The following CPT1A variants were observed in gnomAD, a reference collection of about 807,000 sequenced individuals.
CPT1A encodes carnitine O-palmitoyltransferase 1, liver isoform.
Under a neutral mutation model 100.8 loss-of-function variants are expected in CPT1A, and 64 were observed. The observed-to-expected ratio is 0.63, with a 90% CI of 0.52 to 0.78. CPT1A has a LOEUF of 0.78. CPT1A is among the 30% of genes least tolerant of loss of function. The pLI is 0.00. For missense variants in CPT1A, 802 were observed against 1,034.1 expected (o/e 0.78, Z 3.08); for synonymous variants, 363 against 396.0 (o/e 0.92, Z 0.99).
intron 14 of CPT1A, among the ~76,000 whole-genome samples, chr11:68,770,494 T>A (rs539923164): frequency 1.3e-5 from 2 of 152,198 alleles, no homozygotes; most frequent in Admixed American, 6.6e-5. Flanking sequence ...CACTTTTACT[T>A]TGAAGCAGTA....
At chr11:68,804,864 A>C (rs3019581) in intron 4 of CPT1A, among the ~76,000 whole-genome samples, 1 of 152,250 alleles carries the variant, frequency 6.6e-6, no homozygotes, top group Admixed American at 6.5e-5. Context: ...AAGTCTCCCA[A>C]AGGACACATC....
intron 3 of CPT1A, among the ~76,000 whole-genome samples, chr11:68,810,923 T>C (rs1856185530): frequency 6.6e-6 from 1 of 152,064 alleles, no homozygotes; most frequent in Non-Finnish European, 1.5e-5. Flanking sequence ...AGGCGGAGGT[T>C]GCAGTGAGCC....
intron 4 of CPT1A, among the ~76,000 whole-genome samples, chr11:68,805,180 T>G (rs1856006378): frequency 6.6e-6 from 1 of 152,198 alleles, no homozygotes; most frequent in African/African-American, 2.4e-5. Context: ...CTGGGTGTGG[T>G]GGCTCACGCC....
In CPT1A at chr11:68,841,160, G is replaced by T. The variant is rs899701673; in HGVS notation, c.-14+615C>A. 6.6e-6 allele frequency among the ~76,000 whole-genome samples: 1 copy of T among 152,210 alleles called. No individual in the cohort carries two copies. The highest frequency in any genetic ancestry group is 6.5e-5 in the Admixed American group (1 of 15,288). On this transcript the variant is annotated intron_variant, in intron 1 of 18. Transcript: ENST00000265641. This position sits in a 1 kb window ranked among gnomAD's most constrained non-coding sequence, Gnocchi z 6.3. ...GGTCAGCGGCGCCCTGCCGAATCCCGAGGGCCGAGCACCCCTCCCTCAGCC... is the reference window on the plus strand; with the variant it reads ...GGTCAGCGGCGCCCTGCCGAATCCCTAGGGCCGAGCACCCCTCCCTCAGCC...
At chr11:68,797,231 G>A (rs979869308) in intron 6 of CPT1A, among the ~76,000 whole-genome samples, 4 of 152,142 alleles carry the variant, frequency 2.6e-5, no homozygotes, top group Non-Finnish European at 4.4e-5. Context: ...CTTGAGACCA[G>A]GAGTTCGAGA....
At chr11:68,760,458 T>C (rs978341995) in intron 16 of CPT1A, 120 bp from the exon 17 acceptor site, 12 of 855,360 alleles carry the variant, frequency 1.4e-5, no homozygotes, top group East Asian at 2.7e-5. Flanking sequence ...ACCACAAGTC[T>C]ATGTCTCCAA....
intron 10 of CPT1A, among the ~76,000 whole-genome samples, chr11:68,782,626 C>T (rs966238013): frequency 1.3e-5 from 2 of 152,200 alleles, no homozygotes; most frequent in African/African-American, 2.4e-5. Flanking sequence ...GGAAGACCCA[C>T]CAGCTGGGCT....
chr11:68,770,353 G>A (rs993260059), intron 14 of CPT1A, among the ~76,000 whole-genome samples: 1 of 152,200 alleles, frequency 6.6e-6, no homozygotes, highest in East Asian at 1.9e-4. Flanking sequence ...CTCACTGGGT[G>A]TGCCTCTTAA....
At position 68,815,882 on chromosome 11, in the gene CPT1A, A is replaced by C. The variant is rs371779360; in HGVS notation, c.-13-395T>G. Among the ~76,000 whole-genome samples the C allele has an allele frequency of 6.2e-3, 837 of 134,834 alleles. 12 individuals carry two copies. The highest frequency in any genetic ancestry group is 0.023 in the African/African-American group (783 of 34,284). 88.5% of individuals were successfully genotyped at this position (134,834 alleles called of 152,430 possible). ...CGTGGTACCCCAACCCTGGCCCTGG[A>C]CGTCCCCCGGAACCATGCCTCCAAG... On this transcript the variant is annotated intron_variant, in intron 1 of 18. Coordinates refer to ENST00000265641, the MANE Select transcript of CPT1A (RefSeq NM_001876.4).
At chr11:68,775,236 G>C in intron 13 of CPT1A, 80 bp downstream of exon 13, 1 of 1,200,372 alleles carries the variant, frequency 8.3e-7, no homozygotes, top group Non-Finnish European at 1.2e-6. Flanking sequence ...CAGGAACTAC[G>C]GTTGGAAAAT....
At chr11:68,829,417 C>T (rs1044517192) in intron 1 of CPT1A, among the ~76,000 whole-genome samples, 2 of 152,106 alleles carry the variant, frequency 1.3e-5, no homozygotes, top group African/African-American at 2.4e-5. Flanking sequence ...GGTGGTGTCC[C>T]GGGGGACAAA....
intron 9 of CPT1A, among the ~76,000 whole-genome samples, chr11:68,792,191 G>T (rs895457261): frequency 2.0e-5 from 3 of 152,130 alleles, no homozygotes; most frequent in Non-Finnish European, 2.9e-5. Context: ...TAAAAAATTA[G>T]CCGGGCGTGG....
intron 16 of CPT1A, 129 bp from the exon 17 acceptor site, chr11:68,760,467 A>G (rs1946783753): frequency 1.2e-6 from 1 of 828,284 alleles, no homozygotes; most frequent in African/African-American, 1.7e-5. Context: ...CTATGTCTCC[A>G]AAGGCCTCAC....
intron 14 of CPT1A, among the ~76,000 whole-genome samples, chr11:68,763,458 ACTGCGT>A (rs1854689258): frequency 6.6e-6 from 1 of 152,144 alleles, no homozygotes; most frequent in Non-Finnish European, 1.5e-5. Context: ...GAGCAATTCC[ACTGCGT>A]CTGGAAGATG....
chr11:68,830,907 A>C (rs907693090), intron 1 of CPT1A, among the ~76,000 whole-genome samples: 1 of 152,048 alleles, frequency 6.6e-6, no homozygotes, highest in Non-Finnish European at 1.5e-5. Flanking sequence ...TTCCAAATAC[A>C]CTTCTCAAGG....
At chr11:68,761,853 C>A (rs143062012) in intron 15 of CPT1A, among the ~76,000 whole-genome samples, 166 bp from the exon 16 acceptor site, 2 of 152,120 alleles carry the variant, frequency 1.3e-5, no homozygotes, top group African/African-American at 4.8e-5. Flanking sequence ...TCAGGCAATC[C>A]GCCCACCTCA....
rs147563740 is a variant in CPT1A at position 68,760,217 on chromosome 11, G to T, written c.2142+8C>A. On this transcript the variant is annotated splice_region_variant and intron_variant, in intron 17 of 18. Transcript: ENST00000265641. ...CCACTGCGCCTCGCCCAGCCCCGCC[G>T]CACTCACCGGTCCAAAGCCCCCTCC... 1 of 1,596,650 alleles carries T rather than the reference G, an allele frequency of 6.3e-7. No individual in the cohort carries two copies. The highest frequency in any genetic ancestry group is 8.6e-7 in the Non-Finnish European group (1 of 1,169,512).
At position 68,771,009 on chromosome 11, in the gene CPT1A, T is replaced by A. The variant is rs1854973193; in HGVS notation, c.1740+2256A>T. On this transcript the variant is annotated intron_variant, in intron 14 of 18. Transcript: ENST00000265641. ...CCTCGGGGCCGTCCTGAAGTTTCGC[T>A]CGCTCCTGCCAAGTACATGGCACAG... Among the ~76,000 whole-genome samples the A allele has an allele frequency of 1.3e-5, 2 of 152,206 alleles. 1 individual carries two copies. Among genetic ancestry groups the A allele is most frequent in the South Asian group, 4.1e-4 (2 of 4,834 alleles).
chr11:68,835,301 C>T (rs879910599), intron 1 of CPT1A, among the ~76,000 whole-genome samples: 12 of 152,314 alleles, frequency 7.9e-5, no homozygotes, highest in Admixed American at 6.5e-4. Context: ...CCTGCACCTG[C>T]CCAAAGGACA....
Sources: allele counts gnomAD v4.1 joint callset (sites outside exome capture counted in the v4.1 genomes callset), GRCh38; gene constraint gnomAD v4.1.1; non-coding constraint Gnocchi (gnomAD v3.1); transcripts MANE v1.5; gene names NCBI Gene and HGNC (gene_info 2026-07-23, HGNC 2026-07-21).